SLC9C1: variants seen among roughly 807,000 people sequenced by gnomAD.
SLC9C1 encodes solute carrier family 9 member C1.
In SLC9C1, 97 loss-of-function variants were observed where a neutral mutation model predicts 140.9. The ratio of observed to expected loss-of-function variants is 0.69; its 90% CI spans 0.58 to 0.82. The LOEUF is 0.82. SLC9C1 is among the 40% of genes least tolerant of loss of function. The pLI is 0.00. For missense variants in SLC9C1, 1,340 were observed against 1,389.3 expected (o/e 0.96, Z 0.56); for synonymous variants, 440 against 442.6 (o/e 0.99, Z 0.07).
At chr3:112,177,920 A>G (rs910273135) in intron 23 of SLC9C1, among the ~76,000 whole-genome samples, 5 of 151,348 alleles carry the variant, frequency 3.3e-5, no homozygotes, top group African/African-American at 1.2e-4. Context: ...TATTTTAATG[A>G]TAGAGATATT....
At chr3:112,214,213 G>C (rs1413615202) in intron 15 of SLC9C1, among the ~76,000 whole-genome samples, 1 of 152,210 alleles carries the variant, frequency 6.6e-6, no homozygotes, top group East Asian at 1.9e-4. Context: ...AAAGCAGTGT[G>C]TAGAGGGAAA....
At chr3:112,168,762 A>C (rs1370666109) in intron 25 of SLC9C1, 115 bp downstream of exon 25, 1 of 987,670 alleles carries the variant, frequency 1.0e-6, no homozygotes, top group Non-Finnish European at 1.5e-6. Context: ...TGGTGGGAAA[A>C]GGGAGAAGAT....
intron 10 of SLC9C1, among the ~76,000 whole-genome samples, chr3:112,244,776 C>T (rs2079233190): frequency 6.6e-6 from 1 of 152,140 alleles, no homozygotes; most frequent in African/African-American, 2.4e-5. Context: ...TCTGTATCCA[C>T]AGATGGAATT....
At chr3:112,177,005 C>CTTTTT (rs57879370) in intron 23 of SLC9C1, among the ~76,000 whole-genome samples, 10 of 104,718 alleles carry the variant, frequency 9.5e-5, no homozygotes, top group Admixed American at 2.1e-4. Context: ...CTCTCTCTCT[C>CTTTTT]TTTTTTTTTT....
At chr3:112,156,189 G>T (rs2075122836) in intron 26 of SLC9C1, among the ~76,000 whole-genome samples, 1 of 151,908 alleles carries the variant, frequency 6.6e-6, no homozygotes, top group Non-Finnish European at 1.5e-5. Flanking sequence ...TAACTATCAT[G>T]GTACTCTATA....
rs2074611117 is a variant in SLC9C1 at position 112,141,226 on chromosome 3, T to G, written c.*46A>C. On this transcript the variant is annotated 3_prime_UTR_variant, in exon 29 of 29. Transcript: ENST00000305815. Reference sequence around the variant, plus strand: ...AAGTGTGTTTCTGCAGCAGGAGGCCTCTCATAGCCACAGCATTAATACATG... The same window carrying G: ...AAGTGTGTTTCTGCAGCAGGAGGCCGCTCATAGCCACAGCATTAATACATG... The G allele has an allele frequency of 6.5e-7, 1 of 1,530,224 alleles. No individual in the cohort carries two copies. The highest frequency in any genetic ancestry group is 8.8e-7 in the Non-Finnish European group (1 of 1,141,214). 94.8% of individuals were successfully genotyped at this position (1,530,224 alleles called of 1,614,324 possible).
intron 12 of SLC9C1, 117 bp downstream of exon 12, chr3:112,239,723 A>C: frequency 9.5e-7 from 1 of 1,057,866 alleles, no homozygotes; most frequent in East Asian, 2.7e-5. Flanking sequence ...AGTTATTAAC[A>C]TGACTTCTCT....
chr3:112,156,820 GTCT>G (rs1001971894), intron 26 of SLC9C1, among the ~76,000 whole-genome samples: 2 of 151,944 alleles, frequency 1.3e-5, no homozygotes, highest in African/African-American at 4.8e-5. Context: ...TCATTTGCAT[GTCT>G]TCTTTTGATA....
At chr3:112,180,762 G>T in intron 21 of SLC9C1, 100 bp from the exon 22 acceptor site, 2 of 941,486 alleles carry the variant, frequency 2.1e-6, no homozygotes, top group Non-Finnish European at 3.2e-6. Context: ...TTGAGACGGA[G>T]TCTCGCTCTG....
At position 112,243,527 on chromosome 3, in the gene SLC9C1, T is replaced by C. The variant is rs959008842; in HGVS notation, c.1279+468A>G. 5.9e-5 allele frequency among the ~76,000 whole-genome samples: 9 copies of C among 152,064 alleles called. No individual in the cohort carries two copies. The East Asian group carries it at 1.7e-3, about 29-fold the overall frequency. On this transcript the variant is annotated intron_variant, in intron 11 of 28. Transcript: ENST00000305815. Reference sequence around the variant, plus strand: ...TGGGGAAAGAGAAATGGGATGTGAGTTGAAAAGCTACCTTTTGGGTACTGT... The same window carrying C: ...TGGGGAAAGAGAAATGGGATGTGAGCTGAAAAGCTACCTTTTGGGTACTGT...
intron 28 of SLC9C1, among the ~76,000 whole-genome samples, chr3:112,146,157 G>C (rs969647076): frequency 6.6e-5 from 10 of 151,398 alleles, no homozygotes; most frequent in African/African-American, 9.7e-5. Context: ...TGTGGGATTG[G>C]TTATAACGTC....
chr3:112,263,325 A>G (rs1576473593), intron 9 of SLC9C1, among the ~76,000 whole-genome samples: 2 of 152,054 alleles, frequency 1.3e-5, no homozygotes, highest in South Asian at 2.1e-4. Context: ...GGTGAGTAGC[A>G]TAGTAAATTT....
chr3:112,204,085 GA>G, intron 17 of SLC9C1, 132 bp downstream of exon 17: 1 of 1,008,394 alleles, frequency 9.9e-7, no homozygotes, highest in Non-Finnish European at 1.3e-6. Context: ...TTTGCCAAAG[GA>G]AGCTAAAATT....
intron 20 of SLC9C1, among the ~76,000 whole-genome samples, chr3:112,194,726 T>C (rs1308382908): frequency 1.3e-5 from 2 of 152,176 alleles, no homozygotes; most frequent in East Asian, 3.8e-4. Flanking sequence ...CCACAGAGGT[T>C]ATATCATTTT....
chr3:112,237,434 T>C (rs561261380), intron 12 of SLC9C1, among the ~76,000 whole-genome samples: 56 of 152,354 alleles, frequency 3.7e-4, no homozygotes, highest in African/African-American at 1.3e-3. Flanking sequence ...TGTCTTTTAA[T>C]TGGAGCATTT....
chr3:112,280,113 A>G (rs2108345685), intron 3 of SLC9C1, among the ~76,000 whole-genome samples: 1 of 152,352 alleles, frequency 6.6e-6, no homozygotes. Flanking sequence ...TAATATTTTT[A>G]ACATCATTGA....
At chr3:112,164,291 T>A (rs201757997) in intron 26 of SLC9C1, among the ~76,000 whole-genome samples, 34 of 149,362 alleles carry the variant, frequency 2.3e-4, no homozygotes, top group Middle Eastern at 3.4e-3. Flanking sequence ...TAATATTGTT[T>A]TGTGTGAATT....
chr3:112,169,389 G>A (rs2077203083), intron 23 of SLC9C1, 61 bp from the exon 24 acceptor site: 3 of 1,505,108 alleles, frequency 2.0e-6, no homozygotes, highest in African/African-American at 1.4e-5. Flanking sequence ...AAGGAATAAA[G>A]TTTTTTTGTT....
rs1260595022 is a variant in SLC9C1 at position 112,200,750 on chromosome 3, G to C, written c.2335C>G (p.Gln779Glu). 6.2e-7 allele frequency: 1 copy of C among 1,608,192 alleles called. No individual in the cohort carries two copies. The highest frequency in any genetic ancestry group is 1.3e-5 in the African/African-American group (1 of 74,414). The change falls in exon 19 of 29, where the codon CAA becomes GAA. Residue 779 changes from glutamine (Q) to glutamate (E), a missense_variant. Gln to Glu is a conservative substitution (Grantham distance 29, BLOSUM62 2). Coordinates refer to ENST00000305815, the MANE Select transcript of SLC9C1 (RefSeq NM_183061.3). The part of the protein sequence containing the change: ...SKQIKQMLLK[Q>E]VIRNMEHAIK... ...GCATGTTCCATATTCCTTATCACTT[G>C]CTTTAATAACATCTAAGGAACAAAA... is the stretch of plus-strand genomic sequence containing the variant.
Sources: gnomAD v4.1 joint callset for allele counts (sites outside exome capture counted in the v4.1 genomes callset) on GRCh38, gnomAD v4.1.1 for gene constraint, MANE v1.5 for transcripts, NCBI Gene and HGNC (gene_info 2026-07-23, HGNC 2026-07-21) for gene names.